Variants in RIMBP2 observed in about 807,000 individuals in gnomAD.
RIMBP2 encodes RIMS binding protein 2, also known as RIMS-binding protein 2.
A neutral mutation model predicts 118.6 loss-of-function variants in RIMBP2; 48 were observed. The observed-to-expected ratio is 0.40, with a 90% confidence interval of 0.32 to 0.51. RIMBP2 has a LOEUF of 0.51. RIMBP2 is among the 20% of genes least tolerant of loss of function. The pLI is 0.41. For synonymous variants in RIMBP2, 762 were observed against 742.9 expected, an observed-to-expected ratio of 1.03 and a Z score of -0.42; for missense variants, 1,551 against 1,768.3, an observed-to-expected ratio of 0.88 and a Z score of 2.20.
chr12:130,712,699 CAT>C (rs1950007702), intron 1 of RIMBP2, among the ~76,000 whole-genome samples: 1 of 152,186 alleles, frequency 6.6e-6, no homozygotes, highest in South Asian at 2.1e-4. Flanking sequence ...AAGCCAGTAA[CAT>C]AGTCATTTAT....
chr12:130,417,142 A>C (rs1336908968), intron 17 of RIMBP2, among the ~76,000 whole-genome samples: 1 of 152,178 alleles, frequency 6.6e-6, no homozygotes, highest in Non-Finnish European at 1.5e-5. Flanking sequence ...ATACCATTGG[A>C]GGGAACGGAA....
At chr12:130,479,214 A>G (rs1266778406) in intron 4 of RIMBP2, among the ~76,000 whole-genome samples, 198 bp from the exon 5 acceptor site, 1 of 152,232 alleles carries the variant, frequency 6.6e-6, no homozygotes, top group Non-Finnish European at 1.5e-5. Flanking sequence ...GCTATGACAT[A>G]AACAAGCCCC....
chr12:130,402,534 C>T (rs186404542), intron 21 of RIMBP2, among the ~76,000 whole-genome samples: 184 of 152,296 alleles, frequency 1.2e-3, no homozygotes, highest in Non-Finnish European at 2.0e-3. Context: ...ACCATCAAAA[C>T]CCTTTACAGA....
chr12:130,523,212 T>G lies in RIMBP2; in HGVS notation c.-216-5295A>C, dbSNP rs1028358010. Among the ~76,000 whole-genome samples, 2 of 151,440 alleles carry G rather than the reference T, an allele frequency of 1.3e-5. No individual in the cohort carries two copies. Among genetic ancestry groups the G allele is most frequent in the Non-Finnish European group, 2.9e-5 (2 of 67,898 alleles). ...CTCTATTTCTCTGTGTTGGGGGGGG[T>G]TTCTCTGCCTCCATCTCTCTCTGTC... On this transcript the variant is annotated intron_variant, in intron 2 of 22. Coordinates refer to ENST00000690449, the MANE Select transcript of RIMBP2 (RefSeq NM_001393629.1). The surrounding 1 kb of genome is among the most constrained non-coding windows in gnomAD (Gnocchi z 4.4).
At chr12:130,526,193 G>T (rs936956497) in intron 2 of RIMBP2, among the ~76,000 whole-genome samples, 1 of 152,146 alleles carries the variant, frequency 6.6e-6, no homozygotes, top group African/African-American at 2.4e-5. Flanking sequence ...GGTATTTTTA[G>T]TTCCATGAAA....
In RIMBP2 at chr12:130,442,153, G is replaced by A. The variant is rs1275261141; in HGVS notation, c.1199C>T (p.Thr400Met). Residue 400 changes from threonine (T) to methionine (M), a missense_variant, in exon 11 of 23, where the codon ACG becomes ATG. Coordinates refer to ENST00000690449, the MANE Select transcript of RIMBP2 (RefSeq NM_001393629.1). The surrounding 1 kb of genome is among the most constrained non-coding windows in gnomAD (Gnocchi z 6.9). ...CACCACGTCCTTGCCCACCAGCAGC[G>A]TGCACTGCAGCTCATCCGAGCTGCC... ...SRGSSDELQCTLLVGKDVVVA... is the reference protein window; with the variant it reads ...SRGSSDELQCMLLVGKDVVVA... The A allele has an allele frequency of 4.3e-6, 7 of 1,614,160 alleles. No individual in the cohort carries two copies. The highest frequency in any genetic ancestry group is 2.2e-5 in the East Asian group (1 of 44,860).
chr12:130,532,161 GTTT>G (rs1393018591), intron 2 of RIMBP2, among the ~76,000 whole-genome samples: 20 of 149,832 alleles, frequency 1.3e-4, no homozygotes, highest in Middle Eastern at 3.5e-3. Flanking sequence ...AGATGCGTGT[GTTT>G]AGCCTCTAGG....
intron 2 of RIMBP2, among the ~76,000 whole-genome samples, chr12:130,604,427 C>A (rs974936881): frequency 2.5e-4 from 37 of 149,832 alleles, no homozygotes; most frequent in Non-Finnish European, 1.2e-4. Context: ...TCCATAAAGC[C>A]TACAGTCGTG....
rs1017913281 is a variant in RIMBP2 at position 130,424,990 on chromosome 12, A to G, written c.2413-132T>C. ...ACCGAGGGGGGGGAAGCATGCGTCTACTCAGGCCGGGGGCATGCCGTGGAG... is the reference window on the plus strand; with the variant it reads ...ACCGAGGGGGGGGAAGCATGCGTCTGCTCAGGCCGGGGGCATGCCGTGGAG... On this transcript the variant is annotated intron_variant, in intron 15 of 22. Coordinates refer to ENST00000690449, the MANE Select transcript of RIMBP2 (RefSeq NM_001393629.1). The surrounding 1 kb of genome is among the most constrained non-coding windows in gnomAD (Gnocchi z 9.8). The G allele has an allele frequency of 5.9e-5, 27 of 459,774 alleles. No homozygotes were observed. Among genetic ancestry groups the G allele is most frequent in the Non-Finnish European group, 8.7e-5 (25 of 286,014 alleles). The allele number at this position is 459,774 out of a possible 1,614,324, so 28.5% of individuals were successfully genotyped here.
rs143558517 is a variant in RIMBP2, at chr12:130,434,692, G to C, written c.2253+42C>G. ...TCTCCACGGGGCCCGCTCCGAGCCC[G>C]CGCCCACCAGGAGGATGGTGTGGGG... On this transcript the variant is annotated intron_variant, in intron 14 of 22. Coordinates refer to ENST00000690449, the MANE Select transcript of RIMBP2 (RefSeq NM_001393629.1). This position sits in a 1 kb window ranked among gnomAD's most constrained non-coding sequence, Gnocchi z 5.7. 4.4e-6 allele frequency: 7 copies of C among 1,582,416 alleles called. No individual in the cohort carries two copies. Among genetic ancestry groups the C allele is most frequent in the Non-Finnish European group, 6.0e-6 (7 of 1,165,826 alleles).
chr12:130,472,129 G>A (rs2081063144), intron 5 of RIMBP2: 1 of 152,270 alleles, frequency 6.6e-6, no homozygotes, highest in African/African-American at 2.4e-5. Flanking sequence ...ATGTCGGGGA[G>A]GCCTTGGATT....
intron 1 of RIMBP2, among the ~76,000 whole-genome samples, chr12:130,665,982 C>T (rs1161671965): frequency 1.3e-5 from 2 of 152,174 alleles, no homozygotes; most frequent in African/African-American, 4.8e-5. Flanking sequence ...TCCTGTCTCC[C>T]TCTTTTTCTG....
At chr12:130,627,340 T>C (rs750337458) in intron 2 of RIMBP2, among the ~76,000 whole-genome samples, 11 of 152,254 alleles carry the variant, frequency 7.2e-5, no homozygotes, top group Non-Finnish European at 1.2e-4. Context: ...AAACCTTTAG[T>C]AACAGAAAGC....
chr12:130,679,332 A>G (rs1302654211), intron 1 of RIMBP2, among the ~76,000 whole-genome samples: 1 of 152,216 alleles, frequency 6.6e-6, no homozygotes, highest in Non-Finnish European at 1.5e-5. Context: ...GGCCCCATGC[A>G]TTTGTGTCTA....
At chr12:130,439,135 G>C (rs926498923) in intron 11 of RIMBP2, among the ~76,000 whole-genome samples, 1 of 152,056 alleles carries the variant, frequency 6.6e-6, no homozygotes, top group Admixed American at 6.6e-5. Flanking sequence ...TTCTGCGTGT[G>C]TGTGTATATG....
intron 3 of RIMBP2, among the ~76,000 whole-genome samples, chr12:130,509,856 A>G (rs952718649): frequency 3.9e-5 from 6 of 152,250 alleles, no homozygotes; most frequent in African/African-American, 1.4e-4. Flanking sequence ...TCCAAAGGAA[A>G]AAACATTAGC....
intron 2 of RIMBP2, among the ~76,000 whole-genome samples, chr12:130,535,915 G>T (rs778400753): frequency 2.2e-4 from 34 of 151,734 alleles, no homozygotes; most frequent in Non-Finnish European, 4.1e-4. Flanking sequence ...AAGTAGCTGG[G>T]ACTACAGGTA....
chr12:130,714,769 C>G (rs1174929729), intron 1 of RIMBP2, among the ~76,000 whole-genome samples: 4 of 152,240 alleles, frequency 2.6e-5, no homozygotes, highest in Non-Finnish European at 4.4e-5. Flanking sequence ...CGGAGCCGGT[C>G]AGACCCTGCC....
At position 130,693,797 on chromosome 12, in the gene RIMBP2, C is replaced by T. The variant is rs552392033; in HGVS notation, c.-352+22425G>A. Among the ~76,000 whole-genome samples the T allele has an allele frequency of 6.6e-5, 10 of 152,306 alleles. No homozygotes were observed. The East Asian group carries it at 9.7e-4, about 15-fold the overall frequency. On this transcript the variant is annotated intron_variant, in intron 1 of 22. Transcript: ENST00000690449. The stretch of plus-strand genomic sequence containing the variant: ...CGTTCCCAAGAAGGCCCTTTAATTG[C>T]GGATGATTCAGCTGTCACTTACTTT...
Sources: allele counts gnomAD v4.1 joint callset (sites outside exome capture counted in the v4.1 genomes callset), GRCh38; gene constraint gnomAD v4.1.1; non-coding constraint Gnocchi (gnomAD v3.1); transcripts MANE v1.5; gene names NCBI Gene and HGNC (gene_info 2026-07-23, HGNC 2026-07-21).